NEMP2: variants seen among roughly 807,000 people sequenced by gnomAD.
NEMP2 encodes nuclear envelope integral membrane protein 2, also known as UPF0571 transmembrane protein.
Under a neutral mutation model 54.2 loss-of-function variants are expected in NEMP2, and 53 were observed. The ratio of observed to expected loss-of-function variants is 0.98; its 90% CI spans 0.78 to 1.23. The LOEUF is 1.23. NEMP2 is among the 50% of genes most tolerant of loss of function. The pLI is 0.00. For missense variants in NEMP2, 455 were observed against 511.3 expected, an observed-to-expected ratio of 0.89 and a Z score of 1.06; for synonymous variants, 197 against 190.3, an observed-to-expected ratio of 1.04 and a Z score of -0.29.
the NEMP2 span, among the ~76,000 whole-genome samples, chr2:190,486,958 C>G: frequency 6.6e-6 from 1 of 152,214 alleles, no homozygotes. Flanking sequence ...CCTGTTATCT[C>G]TGTCTTCCTC....
At chr2:190,642,835 C>T in the NEMP2 span, among the ~76,000 whole-genome samples, 1 of 151,996 alleles carries the variant, frequency 6.6e-6, no homozygotes, top group Admixed American at 6.6e-5. The surrounding 1 kb of genome is among the most constrained non-coding windows in gnomAD (Gnocchi z 4.1). Flanking sequence ...CCTCTAAGAA[C>T]ATTTTAAATC....
At chr2:190,488,354 A>G in the NEMP2 span, among the ~76,000 whole-genome samples, 1 of 152,212 alleles carries the variant, frequency 6.6e-6, no homozygotes, top group Non-Finnish European at 1.5e-5. The surrounding 1 kb of genome is among the most constrained non-coding windows in gnomAD (Gnocchi z 6.4). Flanking sequence ...AGGAAGTAGA[A>G]TGGTGGTTGT....
At position 190,521,050 on chromosome 2, in the gene NEMP2, TGCTAGAGAA is replaced by T. The variant is rs1284310615; in HGVS notation, c.214-1876_214-1868del. 6.6e-6 allele frequency among the ~76,000 whole-genome samples: 1 copy of T among 152,196 alleles called. No homozygotes were observed. Among genetic ancestry groups the T allele is most frequent in the East Asian group, 1.9e-4 (1 of 5,200 alleles). On this transcript the variant is annotated intron_variant, in intron 2 of 8. Transcript: ENST00000409150. The surrounding 1 kb of genome is among the most constrained non-coding windows in gnomAD (Gnocchi z 6.2). Reference sequence around the variant, plus strand: ...TACTCCTGCATTTGCATCACCAGTGTGCTAGAGAAGTGCACACTGGTCTCACTTCAAATC... The same window carrying T: ...TACTCCTGCATTTGCATCACCAGTGTGTGCACACTGGTCTCACTTCAAATC...
chr2:190,441,035 C>G, the NEMP2 span, among the ~76,000 whole-genome samples: 1 of 152,168 alleles, frequency 6.6e-6, no homozygotes, highest in African/African-American at 2.4e-5. Flanking sequence ...GGAAGAAACT[C>G]TGCAGCCGGG....
At chr2:190,589,817 C>T in the NEMP2 span, among the ~76,000 whole-genome samples, 1 of 152,164 alleles carries the variant, frequency 6.6e-6, no homozygotes, top group Admixed American at 6.5e-5. This position sits in a 1 kb window ranked among gnomAD's most constrained non-coding sequence, Gnocchi z 4.3. Flanking sequence ...TGCCAATGGC[C>T]TACCTGTTTG....
At chr2:190,584,589 A>G in the NEMP2 span, among the ~76,000 whole-genome samples, 1 of 152,086 alleles carries the variant, frequency 6.6e-6, no homozygotes, top group Admixed American at 6.6e-5. The surrounding 1 kb of genome is among the most constrained non-coding windows in gnomAD (Gnocchi z 4.2). Flanking sequence ...TAAAGAAAAT[A>G]TGGCCAGGCA....
the NEMP2 span, among the ~76,000 whole-genome samples, chr2:190,569,605 A>G: frequency 6.6e-6 from 1 of 152,216 alleles, no homozygotes; most frequent in African/African-American, 2.4e-5. Flanking sequence ...TTCCTCTTAC[A>G]GATAAAACTT....
At chr2:190,463,106 A>C in the NEMP2 span, among the ~76,000 whole-genome samples, 1 of 152,212 alleles carries the variant, frequency 6.6e-6, no homozygotes, top group African/African-American at 2.4e-5. This position sits in a 1 kb window ranked among gnomAD's most constrained non-coding sequence, Gnocchi z 4.4. Flanking sequence ...GCAAAACCCT[A>C]TTCTGCTAGT....
chr2:190,445,515 T>C, the NEMP2 span, among the ~76,000 whole-genome samples: 1 of 150,650 alleles, frequency 6.6e-6, no homozygotes, highest in Non-Finnish European at 1.5e-5. Flanking sequence ...TTTTTCTGAC[T>C]CTGCCAGCCT....
the NEMP2 span, among the ~76,000 whole-genome samples, chr2:190,430,861 T>A: frequency 6.9e-6 from 1 of 144,756 alleles, no homozygotes; most frequent in Non-Finnish European, 1.5e-5. Flanking sequence ...CCCACCTCCC[T>A]CCCGGACGGG....
At chr2:190,457,264 G>A in the NEMP2 span, among the ~76,000 whole-genome samples, 2 of 152,100 alleles carry the variant, frequency 1.3e-5, no homozygotes, top group Non-Finnish European at 2.9e-5. The surrounding 1 kb of genome is among the most constrained non-coding windows in gnomAD (Gnocchi z 5.1). Flanking sequence ...CCACCCCTGT[G>A]GCCCTCTCCT....
In NEMP2 at chr2:190,520,705, AC is replaced by A. The variant is rs1353361014; in HGVS notation, c.214-1523del. Among the ~76,000 whole-genome samples the A allele has an allele frequency of 2.0e-5, 3 of 151,440 alleles. No homozygotes were observed. The highest frequency in any genetic ancestry group is 4.9e-5 in the African/African-American group (2 of 41,118). ...TTCCTCTTATGCTCTTGTCCTCCCT[AC>A]CTCAGCTCATCACTCCATGGCCATA... On this transcript the variant is annotated intron_variant, in intron 2 of 8. Coordinates refer to ENST00000409150, the MANE Select transcript of NEMP2 (RefSeq NM_001142645.2). The surrounding 1 kb of genome is among the most constrained non-coding windows in gnomAD (Gnocchi z 5.4).
At chr2:190,640,297 G>C in the NEMP2 span, among the ~76,000 whole-genome samples, 1 of 152,046 alleles carries the variant, frequency 6.6e-6, no homozygotes, top group Non-Finnish European at 1.5e-5. Flanking sequence ...TGGACATGTT[G>C]CAACTCTTGG....
the NEMP2 span, among the ~76,000 whole-genome samples, chr2:190,428,890 C>G: frequency 6.6e-6 from 1 of 152,080 alleles, no homozygotes; most frequent in African/African-American, 2.4e-5. Flanking sequence ...CCAGGCTGGT[C>G]TTAAACTCCT....
At chr2:190,639,780 C>T in the NEMP2 span, among the ~76,000 whole-genome samples, 2 of 152,144 alleles carry the variant, frequency 1.3e-5, no homozygotes, top group Non-Finnish European at 2.9e-5. Flanking sequence ...TCCTGAGGAG[C>T]TGGGACTACA....
At position 190,510,431 on chromosome 2, in the gene NEMP2, GCTCCT is replaced by G. The variant is rs1473952044; in HGVS notation, c.1055_1059del (p.Glu352AlafsTer23). On this transcript the variant is annotated frameshift_variant, in exon 8 of 9. Coordinates refer to ENST00000409150, the MANE Select transcript of NEMP2 (RefSeq NM_001142645.2). LOFTEE classifies it high-confidence loss of function. The surrounding 1 kb of genome is among the most constrained non-coding windows in gnomAD (Gnocchi z 5.7). ...TCGGGTTTTCGGCAGGCCCGGCGTA[GCTCCT>G]CCAGAGCACTGTTCGTTTCAGCATC... is the stretch of plus-strand genomic sequence containing the variant. 1 of 1,551,604 alleles carries G rather than the reference GCTCCT, an allele frequency of 6.4e-7. No homozygotes were observed. The highest frequency in any genetic ancestry group is 8.7e-7 in the Non-Finnish European group (1 of 1,147,020).
the NEMP2 span, among the ~76,000 whole-genome samples, chr2:190,473,016 C>G: frequency 1.3e-5 from 2 of 152,134 alleles, no homozygotes; most frequent in African/African-American, 2.4e-5. Context: ...AAATAAAATA[C>G]TTTACAGACA....
At chr2:190,610,122 G>GA in the NEMP2 span, 41 of 152,058 alleles carry the variant, frequency 2.7e-4, no homozygotes, top group Admixed American at 1.1e-3. The surrounding 1 kb of genome is among the most constrained non-coding windows in gnomAD (Gnocchi z 5.4). Context: ...AATAAAAACT[G>GA]AAAAAATCAG....
chr2:190,585,861 T>A, the NEMP2 span, among the ~76,000 whole-genome samples: 1 of 152,110 alleles, frequency 6.6e-6, no homozygotes, highest in Non-Finnish European at 1.5e-5. This position sits in a 1 kb window ranked among gnomAD's most constrained non-coding sequence, Gnocchi z 5.3. Context: ...TCTAGGGCAG[T>A]TACAAAACAG....
Sources: allele counts gnomAD v4.1 joint callset (sites outside exome capture counted in the v4.1 genomes callset), GRCh38; gene constraint gnomAD v4.1.1; non-coding constraint Gnocchi (gnomAD v3.1); transcripts MANE v1.5; gene names NCBI Gene and HGNC (gene_info 2026-07-23, HGNC 2026-07-21).